GABRA5: variants seen among roughly 807,000 people sequenced by gnomAD.
GABRA5 encodes gamma-aminobutyric acid type A receptor subunit alpha5.
In GABRA5, 18 loss-of-function variants were observed where a neutral mutation model predicts 47.3. That is an observed-to-expected ratio of 0.38 (90% CI 0.26 to 0.56). The LOEUF (loss-of-function observed/expected upper bound fraction) is 0.56. GABRA5 is among the 20% of genes least tolerant of loss of function. GABRA5 has a pLI of 0.71. For missense variants in GABRA5, 365 were observed against 599.3 expected (o/e 0.61, Z 4.08); for synonymous variants, 237 against 229.3 (o/e 1.03, Z -0.30).
chr15:26,945,738 C>T (rs930025585), intron 10 of GABRA5, among the ~76,000 whole-genome samples: 29 of 152,278 alleles, frequency 1.9e-4, no homozygotes, highest in Middle Eastern at 3.4e-3. Context: ...TCTGGCAAGG[C>T]GGATTCCAGG....
At chr15:26,928,359 C>T (rs917749055) in intron 7 of GABRA5, among the ~76,000 whole-genome samples, 9 of 152,270 alleles carry the variant, frequency 5.9e-5, no homozygotes, top group African/African-American at 2.2e-4. Flanking sequence ...GTTACAGTCT[C>T]GACAGTTGTA....
chr15:26,929,033 G>C (rs1013661472), intron 7 of GABRA5, among the ~76,000 whole-genome samples: 2 of 147,312 alleles, frequency 1.4e-5, no homozygotes, highest in Non-Finnish European at 3.0e-5. Context: ...ATGAATTTTG[G>C]GGGGGACACA....
intron 1 of GABRA5, among the ~76,000 whole-genome samples, chr15:26,868,387 T>G (rs2140238543): frequency 6.7e-6 from 1 of 148,660 alleles, no homozygotes; most frequent in Non-Finnish European, 1.5e-5. Flanking sequence ...GGATGGGGGT[T>G]GGGGGGGCTT....
intron 6 of GABRA5, among the ~76,000 whole-genome samples, chr15:26,904,130 A>G (rs1192748908): frequency 6.6e-6 from 1 of 152,100 alleles, no homozygotes; most frequent in Non-Finnish European, 1.5e-5. Flanking sequence ...TCCATCTTTA[A>G]TATACTTTTA....
intron 7 of GABRA5, among the ~76,000 whole-genome samples, chr15:26,922,803 C>A (rs1893873929): frequency 6.6e-6 from 1 of 152,126 alleles, no homozygotes; most frequent in African/African-American, 2.4e-5. Context: ...CTTTGTTGCC[C>A]AGGCTGGAGT....
intron 3 of GABRA5, chr15:26,880,593 A>G (rs995621409): frequency 9.0e-6 from 3 of 332,282 alleles, no homozygotes; most frequent in South Asian, 1.1e-4. Context: ...CCAATTCCTT[A>G]GAATCACAGA....
chr15:26,892,356 G>A (rs372304602), intron 6 of GABRA5, among the ~76,000 whole-genome samples: 1 of 152,204 alleles, frequency 6.6e-6, no homozygotes, highest in South Asian at 2.1e-4. Flanking sequence ...ACCCAGCCCC[G>A]GGGAAATGCA....
chr15:26,909,427 G>T (rs1250751059), intron 6 of GABRA5, among the ~76,000 whole-genome samples: 1 of 152,150 alleles, frequency 6.6e-6, no homozygotes, highest in Non-Finnish European at 1.5e-5. Flanking sequence ...CATCTTTGGA[G>T]ACCACCATTT....
At chr15:26,869,119 A>G (rs1007771498) in intron 2 of GABRA5, 56 bp from the exon 3 acceptor site, 1 of 662,974 alleles carries the variant, frequency 1.5e-6, no homozygotes, top group Non-Finnish European at 2.8e-6. Context: ...GATTCCAGGA[A>G]CTGTGACACA....
intron 7 of GABRA5, among the ~76,000 whole-genome samples, chr15:26,930,731 T>C (rs1894081250): frequency 6.6e-6 from 1 of 152,140 alleles, no homozygotes; most frequent in Non-Finnish European, 1.5e-5. Context: ...CATGAAAATG[T>C]AGGCTTCTTC....
chr15:26,911,388 C>CACAA (rs1555391757), intron 6 of GABRA5, among the ~76,000 whole-genome samples: 2 of 146,652 alleles, frequency 1.4e-5, no homozygotes, highest in South Asian at 2.2e-4. Context: ...CACACACACA[C>CACAA]ACACACACAA....
chr15:26,876,659 G>A (rs776579186), intron 3 of GABRA5, among the ~76,000 whole-genome samples: 1 of 152,194 alleles, frequency 6.6e-6, no homozygotes, highest in Non-Finnish European at 1.5e-5. Context: ...AGGGAGGGGA[G>A]GCAGCGGGGG....
intron 6 of GABRA5, among the ~76,000 whole-genome samples, chr15:26,901,131 A>G (rs1284472458): frequency 6.6e-6 from 1 of 152,196 alleles, no homozygotes; most frequent in African/African-American, 2.4e-5. Flanking sequence ...CATTCTTGTG[A>G]AGGCTTTTGT....
Position 26,883,651 on chromosome 15 carries a change from C to A in GABRA5, c.497+94C>A. On this transcript the variant is annotated intron_variant, in intron 6 of 10. Coordinates refer to ENST00000335625, the MANE Select transcript of GABRA5 (RefSeq NM_000810.4). This position sits in a 1 kb window ranked among gnomAD's most constrained non-coding sequence, Gnocchi z 4.8. ...GCAAGAGCTGCGCCGCGGAGCTGTT[C>A]TGACCATAGGTCTGAGACTGCGGCG... The A allele has an allele frequency of 9.7e-7, 1 of 1,032,866 alleles. No individual in the cohort carries two copies. Among genetic ancestry groups the A allele is most frequent in the Non-Finnish European group, 1.4e-6 (1 of 735,644 alleles). The allele number at this position is 1,032,866 out of a possible 1,614,324, so 64.0% of individuals were successfully genotyped here. A position where few individuals can be genotyped will look rare whatever the true frequency, so the allele number is the denominator to read the frequency against.
At chr15:26,902,993 G>A (rs1368752895) in intron 6 of GABRA5, among the ~76,000 whole-genome samples, 1 of 152,036 alleles carries the variant, frequency 6.6e-6, no homozygotes, top group Non-Finnish European at 1.5e-5. Flanking sequence ...AGGGGTACAT[G>A]TGCAGATTTG....
intron 9 of GABRA5, among the ~76,000 whole-genome samples, chr15:26,941,536 G>A (rs1403585482): frequency 6.6e-6 from 1 of 152,164 alleles, no homozygotes; most frequent in Admixed American, 6.5e-5. Flanking sequence ...GTGAAGGATG[G>A]CATTGAATGA....
intron 3 of GABRA5, 149 bp from the exon 4 acceptor site, chr15:26,880,697 A>G (rs1312371845): frequency 2.8e-6 from 2 of 717,888 alleles, no homozygotes; most frequent in South Asian, 4.1e-5. Context: ...ATCAAGGCCA[A>G]ACAATCCCCT....
rs1412990506 is a variant in GABRA5 at position 26,943,243 on chromosome 15, C to T, written c.906C>T (p.Thr302=). The part of the protein sequence containing the change: ...FGVTTVLTMT[T]LSISARNSLP... The stretch of plus-strand genomic sequence containing the variant: ...TCACCACGGTGCTGACCATGACGAC[C>T]CTCAGCATCAGCGCCAGGAACTCTC... Residue 302 remains threonine (T), a synonymous_variant, in exon 10 of 11, where the codon ACC becomes ACT. Coordinates refer to ENST00000335625, the MANE Select transcript of GABRA5 (RefSeq NM_000810.4). 6.4e-7 allele frequency: 1 copy of T among 1,559,008 alleles called. No individual in the cohort carries two copies. Among genetic ancestry groups the T allele is most frequent in the South Asian group, 1.2e-5 (1 of 84,430 alleles).
At chr15:26,931,509 TAAG>T (rs773032504) in intron 7 of GABRA5, among the ~76,000 whole-genome samples, 30 of 152,182 alleles carry the variant, frequency 2.0e-4, no homozygotes, top group Non-Finnish European at 4.0e-4. Flanking sequence ...GATTTTAACA[TAAG>T]AATTTTGTGA....
Sources: gnomAD v4.1 joint callset for allele counts (sites outside exome capture counted in the v4.1 genomes callset) on GRCh38, gnomAD v4.1.1 for gene constraint, Gnocchi (gnomAD v3.1) non-coding constraint, MANE v1.5 for transcripts, NCBI Gene and HGNC (gene_info 2026-07-23, HGNC 2026-07-21) for gene names.